Variants in RIMS2 observed in about 807,000 individuals in gnomAD.
RIMS2 encodes regulating synaptic membrane exocytosis 2.
A neutral mutation model predicts 174.4 loss-of-function variants in RIMS2; 59 were observed. The ratio of observed to expected loss-of-function variants is 0.34; its 90% CI spans 0.27 to 0.42. RIMS2 has a LOEUF of 0.42. Among genes scored for constraint, RIMS2 ranks in the 10% least tolerant of loss-of-function variants. The probability of loss-of-function intolerance (pLI) is 1.00; values close to 1 mark genes in which losing one functional copy is unlikely to be tolerated. For missense variants in RIMS2, 1,620 were observed against 1,666.3 expected, an observed-to-expected ratio of 0.97 and a Z score of 0.48; for synonymous variants, 606 against 572.5, an observed-to-expected ratio of 1.06 and a Z score of -0.84.
chr8:104,122,802 C>T (rs1249939016), intron 19 of RIMS2, among the ~76,000 whole-genome samples: 2 of 152,042 alleles, frequency 1.3e-5, no homozygotes, highest in African/African-American at 4.8e-5. Context: ...AATTATTCCA[C>T]CTTCAGATTA....
At chr8:103,788,799 C>G (rs1332217497) in intron 3 of RIMS2, among the ~76,000 whole-genome samples, 3 of 152,188 alleles carry the variant, frequency 2.0e-5, no homozygotes, top group Non-Finnish European at 2.9e-5. Context: ...TGGGCTCCAC[C>G]CAGTTGGAGC....
intron 21 of RIMS2, among the ~76,000 whole-genome samples, chr8:104,249,210 G>A (rs2099351090): frequency 6.6e-6 from 1 of 151,798 alleles, no homozygotes; most frequent in African/African-American, 2.4e-5. Context: ...TGGGATTACA[G>A]GCATGAGCCA....
intron 19 of RIMS2, among the ~76,000 whole-genome samples, chr8:104,174,423 A>AT (rs2098858878): frequency 6.6e-6 from 1 of 151,688 alleles, no homozygotes; most frequent in African/African-American, 2.4e-5. Context: ...CTAAAAAAAA[A>AT]TAAGTTTGGG....
rs11354049 is a variant in RIMS2, at chr8:103,789,749, C to CTTT, written c.698+23232_698+23234dup. ...AACATATATTATGATGGATTGTACT[C>CTTT]TTTTTTTTTTTTTTTTTTTTTTGAG... is the stretch of plus-strand genomic sequence containing the variant. On this transcript the variant is annotated intron_variant, in intron 3 of 23. Coordinates refer to ENST00000504942, the Ensembl canonical transcript of RIMS2. Among the ~76,000 whole-genome samples the CTTT allele has an allele frequency of 4.2e-4, 36 of 85,154 alleles. 2 individuals are homozygous for CTTT. The highest frequency in any genetic ancestry group is 7.7e-3 in the Middle Eastern group (1 of 130). 55.9% of individuals were successfully genotyped at this position (85,154 alleles called of 152,430 possible).
At chr8:103,683,713 A>C (rs1291281881) in intron 1 of RIMS2, among the ~76,000 whole-genome samples, 1 of 152,194 alleles carries the variant, frequency 6.6e-6, no homozygotes, top group Non-Finnish European at 1.5e-5. Context: ...TATGGCACAA[A>C]GGTACAAATA....
chr8:103,951,490 C>T (rs74492872), intron 14 of RIMS2, among the ~76,000 whole-genome samples: 19,307 of 152,196 alleles, frequency 0.13, 1,694 homozygotes, highest in Non-Finnish European at 0.19. Context: ...CGTTGCCTCA[C>T]CCAGGAAGTG....
intron 1 of RIMS2, among the ~76,000 whole-genome samples, chr8:103,666,563 A>C (rs1049162669): frequency 7.9e-5 from 12 of 152,138 alleles, no homozygotes; most frequent in Non-Finnish European, 1.8e-4. Context: ...CCTAGAGGAG[A>C]CTTCCTTATT....
chr8:103,959,676 A>G (rs1411240300), intron 14 of RIMS2, among the ~76,000 whole-genome samples: 1 of 151,966 alleles, frequency 6.6e-6, no homozygotes, highest in African/African-American at 2.4e-5. Flanking sequence ...TGCCTGCCTC[A>G]GCTTCCCAGA....
intron 19 of RIMS2, among the ~76,000 whole-genome samples, chr8:104,060,486 G>A (rs1400476567): frequency 2.0e-5 from 3 of 152,012 alleles, no homozygotes; most frequent in East Asian, 1.9e-4. Flanking sequence ...CTTGCTAGCA[G>A]TCTATCAATT....
At chr8:104,146,850 C>A (rs892431822) in intron 19 of RIMS2, among the ~76,000 whole-genome samples, 7 of 152,044 alleles carry the variant, frequency 4.6e-5, no homozygotes, top group South Asian at 2.1e-4. Context: ...GCATGTGCCA[C>A]CATGCCTGGC....
chr8:104,111,802 C>A (rs1165178639), intron 19 of RIMS2, among the ~76,000 whole-genome samples: 1 of 152,122 alleles, frequency 6.6e-6, no homozygotes, highest in African/African-American at 2.4e-5. Context: ...TCTAGAACTC[C>A]CTTTTATGTC....
chr8:104,114,019 T>G (rs2131922926), intron 19 of RIMS2, among the ~76,000 whole-genome samples: 1 of 152,140 alleles, frequency 6.6e-6, no homozygotes, highest in South Asian at 2.1e-4. Context: ...TAATGTGGGT[T>G]GAATAGTTAA....
At chr8:104,089,864 C>G (rs566913310) in intron 19 of RIMS2, among the ~76,000 whole-genome samples, 3 of 151,540 alleles carry the variant, frequency 2.0e-5, no homozygotes, top group Admixed American at 1.3e-4. Context: ...ATATTTTTCT[C>G]AAAAATTCTT....
intron 19 of RIMS2, among the ~76,000 whole-genome samples, chr8:104,182,693 T>C (rs2098946995): frequency 6.6e-6 from 1 of 151,798 alleles, no homozygotes; most frequent in Non-Finnish European, 1.5e-5. Context: ...CACATCTCAG[T>C]TCACACCAGC....
chr8:103,721,170 G>T (rs946868767), intron 2 of RIMS2, among the ~76,000 whole-genome samples: 1 of 152,036 alleles, frequency 6.6e-6, no homozygotes, highest in Non-Finnish European at 1.5e-5. Flanking sequence ...GCTCCCCTTC[G>T]CTTTCTGCCA....
intron 20 of RIMS2, among the ~76,000 whole-genome samples, chr8:104,246,402 A>G (rs1187898049): frequency 1.3e-5 from 2 of 151,514 alleles, no homozygotes; most frequent in African/African-American, 2.4e-5. Flanking sequence ...TCTATAGAAC[A>G]TACAATATTT....
chr8:103,988,087 A>G (rs2094474668), intron 16 of RIMS2, among the ~76,000 whole-genome samples: 1 of 152,260 alleles, frequency 6.6e-6, no homozygotes, highest in Non-Finnish European at 1.5e-5. Context: ...ATAAAGACAT[A>G]CCAATAAATC....
At chr8:104,061,713 A>G (rs1313596051) in intron 19 of RIMS2, among the ~76,000 whole-genome samples, 2 of 151,430 alleles carry the variant, frequency 1.3e-5, no homozygotes, top group Non-Finnish European at 1.5e-5. Flanking sequence ...ACTAATTGCA[A>G]TATATTTATA....
intron 19 of RIMS2, among the ~76,000 whole-genome samples, chr8:104,034,395 C>A (rs2096465663): frequency 6.8e-6 from 1 of 148,002 alleles, no homozygotes; most frequent in African/African-American, 2.5e-5. Flanking sequence ...AAAGAATGAT[C>A]TTGGTATTTC....
Sources: allele counts gnomAD v4.1 joint callset (sites outside exome capture counted in the v4.1 genomes callset), GRCh38; gene constraint gnomAD v4.1.1; transcripts MANE v1.5; gene names NCBI Gene and HGNC (gene_info 2026-07-23, HGNC 2026-07-21).